The following MCC variants were observed in gnomAD, a reference collection of about 807,000 sequenced individuals.
The protein encoded by MCC is colorectal mutant cancer protein.
A neutral mutation model predicts 116.2 loss-of-function variants in MCC; 90 were observed. The ratio of observed to expected loss-of-function variants is 0.77; its 90% CI spans 0.65 to 0.92. The LOEUF (loss-of-function observed/expected upper bound fraction) is 0.92. MCC is among the 40% of genes least tolerant of loss of function. MCC has a pLI of 0.00. For missense variants in MCC, 1,516 were observed against 1,312.2 expected (o/e 1.16, Z -2.40); for synonymous variants, 578 against 510.5 (o/e 1.13, Z -1.78).
intron 1 of MCC, among the ~76,000 whole-genome samples, chr5:113,462,610 G>C (rs1771774071): frequency 6.6e-6 from 1 of 152,136 alleles, no homozygotes; most frequent in African/African-American, 2.4e-5. Flanking sequence ...ACAGCAATTT[G>C]TTCTCCAGTA....
intron 3 of MCC, among the ~76,000 whole-genome samples, chr5:113,325,505 C>T (rs535196893): frequency 6.7e-5 from 10 of 149,266 alleles, no homozygotes; most frequent in African/African-American, 2.2e-4. Flanking sequence ...GCCACTCTTA[C>T]TTTCATATGG....
chr5:113,251,496 G>T (rs984317050), intron 3 of MCC, among the ~76,000 whole-genome samples: 1 of 152,200 alleles, frequency 6.6e-6, no homozygotes, highest in African/African-American at 2.4e-5. Context: ...GGCCTGGCAG[G>T]TAACTAAATG....
intron 3 of MCC, among the ~76,000 whole-genome samples, chr5:113,293,109 C>T (rs1248818619): frequency 6.6e-6 from 1 of 152,164 alleles, no homozygotes; most frequent in African/African-American, 2.4e-5. Flanking sequence ...GCAGGAACAG[C>T]ACAGCAGCAG....
intron 1 of MCC, among the ~76,000 whole-genome samples, chr5:113,475,393 A>T (rs970627582): frequency 5.9e-5 from 9 of 152,238 alleles, no homozygotes; most frequent in African/African-American, 2.2e-4. Context: ...TCACTTTATT[A>T]GGTGACAGGG....
intron 17 of MCC, among the ~76,000 whole-genome samples, chr5:113,038,432 GC>G (rs1358824658): frequency 6.6e-6 from 1 of 152,104 alleles, no homozygotes; most frequent in Non-Finnish European, 1.5e-5. Flanking sequence ...GTAGAACCAG[GC>G]ATATTAAGAA....
At chr5:113,201,217 C>G (rs1456632214) in intron 3 of MCC, among the ~76,000 whole-genome samples, 2 of 152,060 alleles carry the variant, frequency 1.3e-5, no homozygotes, top group East Asian at 3.9e-4. Flanking sequence ...GAAACCCCAT[C>G]TCTACTAAAA....
At chr5:113,431,138 G>A (rs1770628133) in intron 1 of MCC, among the ~76,000 whole-genome samples, 1 of 152,100 alleles carries the variant, frequency 6.6e-6, no homozygotes, top group South Asian at 2.1e-4. Context: ...GGTAGTGAAA[G>A]GATTGGAGGA....
chr5:113,171,898 C>T (rs1286104415), intron 3 of MCC, among the ~76,000 whole-genome samples: 1 of 152,198 alleles, frequency 6.6e-6, no homozygotes, highest in Non-Finnish European at 1.5e-5. Context: ...AAGGCTCTCC[C>T]TTCTCACCCT....
chr5:113,136,726 T>C (rs564019121), intron 5 of MCC, among the ~76,000 whole-genome samples: 1 of 152,344 alleles, frequency 6.6e-6, no homozygotes, highest in South Asian at 2.1e-4. Context: ...ATGTATCAGT[T>C]CTAGAAGTTT....
chr5:113,298,201 CAAAGAATA>C (rs1207341917), intron 3 of MCC, among the ~76,000 whole-genome samples: 1 of 151,854 alleles, frequency 6.6e-6, no homozygotes, highest in Non-Finnish European at 1.5e-5. Flanking sequence ...TTATGGAGGC[CAAAGAATA>C]AAAGAGGAAA....
At chr5:113,318,798 C>T (rs1767349173) in intron 3 of MCC, among the ~76,000 whole-genome samples, 1 of 152,086 alleles carries the variant, frequency 6.6e-6, no homozygotes, top group Admixed American at 6.6e-5. Flanking sequence ...GCCTATGTAA[C>T]AAACCTCCAC....
At chr5:113,444,822 T>G (rs996991310) in intron 1 of MCC, among the ~76,000 whole-genome samples, 1 of 152,238 alleles carries the variant, frequency 6.6e-6, no homozygotes, top group African/African-American at 2.4e-5. Flanking sequence ...AATGACCTGA[T>G]GACGATAACA....
chr5:113,182,070 G>T (rs1487299663), intron 3 of MCC, among the ~76,000 whole-genome samples: 1 of 152,158 alleles, frequency 6.6e-6, no homozygotes, highest in East Asian at 1.9e-4. Flanking sequence ...GAAGCATCCT[G>T]TGTGTAAGGT....
In MCC at chr5:113,049,262, A is replaced by T. The variant is rs1273068584; in HGVS notation, c.2486T>A (p.Leu829Gln). 1.2e-6 allele frequency: 2 copies of T among 1,610,778 alleles called. No individual in the cohort carries two copies. The highest frequency in any genetic ancestry group is 1.1e-5 in the South Asian group (1 of 90,438). The change falls in exon 16 of 19, where the codon CTG becomes CAG. Residue 829 changes from leucine to glutamine, a missense_variant. By Grantham distance (113) the Leu-to-Gln change is moderately radical (BLOSUM62 -2). Coordinates refer to ENST00000408903, the MANE Select transcript of MCC (RefSeq NM_001085377.2). ...CTCCAGGGCCTTCTTCTCTTTCTCCAGTAGGTAGAGCTGGGCCTTCAACTC... is the reference window on the plus strand; with the variant it reads ...CTCCAGGGCCTTCTTCTCTTTCTCCTGTAGGTAGAGCTGGGCCTTCAACTC... ...MAELKAQLYL[L>Q]EKEKKALELK...
At chr5:113,483,437 C>A (rs1266467531) in intron 1 of MCC, among the ~76,000 whole-genome samples, 1 of 152,056 alleles carries the variant, frequency 6.6e-6, no homozygotes, top group Non-Finnish European at 1.5e-5. Flanking sequence ...TTTTAATGTA[C>A]CCATAGAGGA....
chr5:113,475,929 T>C (rs1772223763), intron 1 of MCC, among the ~76,000 whole-genome samples: 1 of 152,220 alleles, frequency 6.6e-6, no homozygotes, highest in African/African-American at 2.4e-5. Context: ...TACTAATTCC[T>C]GTTGCAAAGA....
intron 3 of MCC, among the ~76,000 whole-genome samples, chr5:113,306,282 T>C (rs888444068): frequency 2.0e-5 from 3 of 152,208 alleles, no homozygotes; most frequent in South Asian, 4.1e-4. Context: ...AAGAATGGAA[T>C]TGCTTGGTAA....
chr5:113,036,903 C>T (rs1487919526), intron 17 of MCC, among the ~76,000 whole-genome samples: 12 of 152,328 alleles, frequency 7.9e-5, no homozygotes, highest in South Asian at 2.1e-4. Flanking sequence ...AGTTTATTTG[C>T]GTGCTAATGA....
At chr5:113,408,706 G>T (rs1769901789) in intron 1 of MCC, among the ~76,000 whole-genome samples, 1 of 152,138 alleles carries the variant, frequency 6.6e-6, no homozygotes, top group Non-Finnish European at 1.5e-5. Flanking sequence ...AGAGCTAAAG[G>T]TTGATAACCA....
Sources: allele counts gnomAD v4.1 joint callset (sites outside exome capture counted in the v4.1 genomes callset), GRCh38; gene constraint gnomAD v4.1.1; transcripts MANE v1.5; gene names NCBI Gene and HGNC (gene_info 2026-07-23, HGNC 2026-07-21).